The following IST1 variants were observed in gnomAD, a reference collection of about 807,000 sequenced individuals.
The protein encoded by IST1 is IST1 factor associated with ESCRT-III.
In IST1, 23 loss-of-function variants were observed where a neutral mutation model predicts 37.0. The ratio of observed to expected loss-of-function variants is 0.62; its 90% CI spans 0.45 to 0.88. The LOEUF is 0.88. Among genes scored for constraint, IST1 ranks in the 40% least tolerant of loss-of-function variants. IST1 has a pLI of 0.00. For missense variants in IST1, 488 were observed against 445.4 expected (o/e 1.10, Z -0.86); for synonymous variants, 180 against 161.7 (o/e 1.11, Z -0.86).
intron 1 of IST1, among the ~76,000 whole-genome samples, chr16:71,905,838 A>T (rs1379508630): frequency 6.6e-6 from 1 of 152,170 alleles, no homozygotes; most frequent in South Asian, 2.1e-4. Flanking sequence ...TGAAAGCTCT[A>T]TCAGACAGTA....
intron 7 of IST1, chr16:71,923,084 T>C (rs1297570678): frequency 6.2e-6 from 3 of 482,916 alleles, no homozygotes; most frequent in African/African-American, 4.0e-5. Context: ...CTTGATTCAA[T>C]AAAGAATAGC....
chr16:71,900,473 T>G (rs745310612), intron 1 of IST1, among the ~76,000 whole-genome samples: 3 of 151,878 alleles, frequency 2.0e-5, no homozygotes, highest in Non-Finnish European at 4.4e-5. Context: ...GAGGAAGGAC[T>G]CAGTCCATGG....
At chr16:71,915,754 AAAAT>A (rs1567468515) in intron 2 of IST1, 26 bp downstream of exon 2, 4 of 1,438,778 alleles carry the variant, frequency 2.8e-6, no homozygotes, top group African/African-American at 1.4e-5. Context: ...TTTTTCCCCA[AAAAT>A]AAATCACTGG....
chr16:71,918,240 T>TA (rs1372697123), intron 4 of IST1, among the ~76,000 whole-genome samples: 2 of 152,182 alleles, frequency 1.3e-5, no homozygotes, highest in Admixed American at 6.5e-5. Context: ...ATAGAAGACT[T>TA]ACACTTAATT....
intron 1 of IST1, among the ~76,000 whole-genome samples, chr16:71,897,385 C>G (rs924122740): frequency 3.3e-5 from 5 of 152,024 alleles, no homozygotes; most frequent in Non-Finnish European, 7.4e-5. Context: ...AATACTTTTT[C>G]ATTCTCCCTC....
rs559177064 is a variant in IST1, at chr16:71,914,479, T to C, written c.-15-1147T>C. Among the ~76,000 whole-genome samples the C allele has an allele frequency of 2.0e-5, 3 of 152,290 alleles. No homozygotes were observed. In the South Asian group the frequency reaches 6.2e-4, roughly 32 times the overall value. On this transcript the variant is annotated intron_variant, in intron 1 of 9. Coordinates refer to ENST00000378799, the MANE Select transcript of IST1 (RefSeq NM_001270975.2). ...CCAGCAAGGAGTGTACCTTAATTTA[T>C]GCTTTTTATCTCCATCAAGCCAATG...
intron 1 of IST1, among the ~76,000 whole-genome samples, chr16:71,907,187 CTTTT>C (rs5817797): frequency 2.9e-5 from 4 of 136,108 alleles, no homozygotes; most frequent in Admixed American, 7.1e-5. Context: ...TTTTTTCTTT[CTTTT>C]TTTTTTTTTT....
Position 71,927,689 on chromosome 16 carries a change from C to T in IST1, c.977C>T (p.Pro326Leu), listed in dbSNP as rs768840277. ...PADNYDNFVLPELPSVPDTLP... is the reference protein window; with the variant it reads ...PADNYDNFVLLELPSVPDTLP... The stretch of plus-strand genomic sequence containing the variant: ...GATAACTATGACAACTTTGTCCTAC[C>T]AGAGTTGCCATCTGTGCCAGACACA... Residue 326 changes from proline to leucine, a missense_variant, in exon 10 of 10, where the codon CCA (proline) becomes CTA (leucine). Physicochemically the swap from Pro to Leu is moderately conservative, Grantham distance 98. Transcript: ENST00000378799. 4 of 1,613,848 alleles carry T rather than the reference C, an allele frequency of 2.5e-6. No individual in the cohort carries two copies. The highest frequency in any genetic ancestry group is 1.7e-5 in the Admixed American group (1 of 60,008).
chr16:71,916,390 G>A (rs12921279), intron 2 of IST1, 72 bp from the exon 3 acceptor site: 345,938 of 1,442,976 alleles, frequency 0.24, 45,126 homozygotes, highest in Non-Finnish European at 0.27. Flanking sequence ...CTTCCTGTTG[G>A]GGGGAGATTG....
chr16:71,917,140 T>C lies in IST1; in HGVS notation c.357+6T>C, dbSNP rs1200560378. The C allele has an allele frequency of 6.4e-7, 1 of 1,560,156 alleles. No individual in the cohort carries two copies. Among genetic ancestry groups the C allele is most frequent in the Non-Finnish European group, 8.8e-7 (1 of 1,134,596 alleles). On this transcript the variant is annotated splice_donor_region_variant and intron_variant, in intron 4 of 9. Transcript: ENST00000378799. Reference sequence around the variant, plus strand: ...AAGTGGCTGAGTTGAAAATAGTGAGTACAAGTAGTTTCAGTGATGTCTGTA... The same window carrying C: ...AAGTGGCTGAGTTGAAAATAGTGAGCACAAGTAGTTTCAGTGATGTCTGTA...
chr16:71,902,994 C>CT (rs904013013), intron 1 of IST1, among the ~76,000 whole-genome samples: 2 of 151,648 alleles, frequency 1.3e-5, no homozygotes, highest in Non-Finnish European at 2.9e-5. Flanking sequence ...AATTTGAGAC[C>CT]TTTTTTCTGG....
chr16:71,903,354 C>G (rs931657795), intron 1 of IST1: 1 of 152,002 alleles, frequency 6.6e-6, no homozygotes, highest in African/African-American at 2.4e-5. Context: ...CCCACAAATT[C>G]GTTACATATA....
chr16:71,910,640 C>G (rs1043640493), intron 1 of IST1, among the ~76,000 whole-genome samples: 5 of 151,278 alleles, frequency 3.3e-5, no homozygotes. Flanking sequence ...AAAAAAGGTA[C>G]TATGTATAGG....
intron 9 of IST1, among the ~76,000 whole-genome samples, chr16:71,925,302 AC>A (rs917179226): frequency 7.2e-6 from 1 of 138,956 alleles, no homozygotes; most frequent in African/African-American, 2.8e-5. Flanking sequence ...GACATGAGCC[AC>A]TGCCCCCAGC....
Position 71,929,964 on chromosome 16 carries a change from A to G in IST1, c.*2151A>G. 1 of 1,390,636 alleles carries G rather than the reference A, an allele frequency of 7.2e-7. No homozygotes were observed. The highest frequency in any genetic ancestry group is 1.5e-5 in the African/African-American group (1 of 68,442). The allele number at this position is 1,390,636 out of a possible 1,614,324, so 86.1% of individuals were successfully genotyped here. A position where few individuals can be genotyped will look rare whatever the true frequency, so the allele number is the denominator to read the frequency against. On this transcript the variant is annotated 3_prime_UTR_variant, in exon 10 of 10. Transcript: ENST00000378799. ...GGGAATATGATACTGTGCATTATAA[A>G]TTATGTCAGCCCGTCATCTTAGGGG...
At chr16:71,909,470 A>G (rs552679770) in intron 1 of IST1, among the ~76,000 whole-genome samples, 17 of 152,210 alleles carry the variant, frequency 1.1e-4, no homozygotes, top group Non-Finnish European at 1.8e-4. Flanking sequence ...AAATGCATAC[A>G]TGCGTCTTCA....
chr16:71,908,943 C>T (rs372755970), intron 1 of IST1, among the ~76,000 whole-genome samples: 3 of 152,206 alleles, frequency 2.0e-5, no homozygotes, highest in African/African-American at 7.2e-5. Flanking sequence ...GGTTTTACAG[C>T]TTCATTCAGT....
rs1345186443 is a variant in IST1 at position 71,923,333 on chromosome 16, A to C, written c.805A>C (p.Asn269His). 1.9e-6 allele frequency: 3 copies of C among 1,612,828 alleles called. No individual in the cohort carries two copies. In the African/African-American group the frequency reaches 4.0e-5, roughly 22 times the overall value. Residue 269 changes from asparagine to histidine, a missense_variant, in exon 8 of 10, where the codon AAT (asparagine) becomes CAT (histidine). By Grantham distance (68) the Asn-to-His change is moderately conservative (BLOSUM62 1). This residue lies in a region of IST1 where 455 missense variants were observed against 386.2 expected (regional missense o/e 1.18). Transcript: ENST00000378799. The part of the protein sequence containing the change: ...LPMGTYQAFP[N>H]IHPPQIPATP... ...AATGGGGACTTATCAGGCCTTTCCC[A>C]ATATTCATCCACCTCAGATACCAGC...
chr16:71,918,670 C>G (rs986317983), intron 4 of IST1, among the ~76,000 whole-genome samples: 5 of 152,160 alleles, frequency 3.3e-5, no homozygotes, highest in African/African-American at 4.8e-5. Context: ...CCTGCCTCGG[C>G]CTCCCAAAGT....
Sources: gnomAD v4.1 joint callset for allele counts (sites outside exome capture counted in the v4.1 genomes callset) on GRCh38, gnomAD v4.1.1 for gene constraint, gnomAD v4.1.1 regional missense constraint, MANE v1.5 for transcripts, NCBI Gene and HGNC (gene_info 2026-07-23, HGNC 2026-07-21) for gene names.